The following CADM2 variants were observed in gnomAD, a reference collection of about 807,000 sequenced individuals.
The protein encoded by CADM2 is cell adhesion molecule 2, also known as immunoglobulin superfamily member 4D.
A neutral mutation model predicts 49.8 loss-of-function variants in CADM2; 12 were observed. That is an observed-to-expected ratio of 0.24 (90% CI 0.15 to 0.39). The LOEUF (loss-of-function observed/expected upper bound fraction) is 0.39. Ranked by LOEUF, CADM2 falls within the 10% of genes least tolerant of loss-of-function variation. The probability of loss-of-function intolerance (pLI) is 1.00; values close to 1 mark genes in which losing one functional copy is unlikely to be tolerated. For missense variants in CADM2, 378 were observed against 492.3 expected (o/e 0.77, Z 2.20); for synonymous variants, 214 against 175.4 (o/e 1.22, Z -1.74).
At chr3:85,472,605 A>G (rs115282387) in intron 1 of CADM2, among the ~76,000 whole-genome samples, 1,536 of 152,172 alleles carry the variant, frequency 0.01, 26 homozygotes, top group African/African-American at 0.034. Context: ...AATATGTTTA[A>G]CATGTTAACT....
At chr3:85,625,983 A>T (rs908346497) in intron 1 of CADM2, among the ~76,000 whole-genome samples, 1 of 152,042 alleles carries the variant, frequency 6.6e-6, no homozygotes, top group African/African-American at 2.4e-5. Context: ...GTTTGAAATT[A>T]TGTAAGTATT....
At chr3:84,962,984 T>A (rs2030681120) in intron 1 of CADM2, among the ~76,000 whole-genome samples, 2 of 152,206 alleles carry the variant, frequency 1.3e-5, no homozygotes, top group South Asian at 4.1e-4. Flanking sequence ...ATGAGTTTTT[T>A]TTAAAAGGCT....
chr3:85,821,064 T>A (rs1245843643), intron 3 of CADM2, among the ~76,000 whole-genome samples: 1 of 152,198 alleles, frequency 6.6e-6, no homozygotes, highest in Admixed American at 6.6e-5. Flanking sequence ...CATCCTTTGA[T>A]GAGTACCTAT....
intron 1 of CADM2, among the ~76,000 whole-genome samples, chr3:85,469,374 C>T (rs1310237110): frequency 2.0e-5 from 3 of 152,058 alleles, no homozygotes; most frequent in Non-Finnish European, 4.4e-5. Context: ...GGAAGCCAGT[C>T]ATCAATGTAG....
chr3:85,692,434 C>G (rs1221891534), intron 1 of CADM2, among the ~76,000 whole-genome samples: 1 of 152,106 alleles, frequency 6.6e-6, no homozygotes, highest in Admixed American at 6.5e-5. Flanking sequence ...GTTGTTTAAG[C>G]CACTACAGAA....
At chr3:86,042,082 T>C (rs1736014898) in intron 8 of CADM2, among the ~76,000 whole-genome samples, 1 of 152,192 alleles carries the variant, frequency 6.6e-6, no homozygotes, top group South Asian at 2.1e-4. Context: ...CAAAGCAGTG[T>C]GTAGAGGGAA....
intron 1 of CADM2, among the ~76,000 whole-genome samples, chr3:85,428,335 A>G (rs1372925433): frequency 2.0e-5 from 3 of 146,592 alleles, no homozygotes; most frequent in Admixed American, 6.9e-5. Context: ...TATAATATAT[A>G]TATTATTTTC....
intron 3 of CADM2, among the ~76,000 whole-genome samples, chr3:85,807,581 G>A (rs1479672925): frequency 6.6e-6 from 1 of 151,922 alleles, no homozygotes; most frequent in African/African-American, 2.4e-5. Flanking sequence ...CATGATGATG[G>A]GAATATTCCA....
At chr3:85,111,979 A>G (rs2038475567) in intron 1 of CADM2, among the ~76,000 whole-genome samples, 1 of 151,910 alleles carries the variant, frequency 6.6e-6, no homozygotes, top group Non-Finnish European at 1.5e-5. Context: ...CCATTAGAGC[A>G]CCTATCTAAA....
intron 1 of CADM2, among the ~76,000 whole-genome samples, chr3:85,553,719 C>T (rs1422897036): frequency 6.6e-6 from 1 of 152,152 alleles, no homozygotes; most frequent in Non-Finnish European, 1.5e-5. Flanking sequence ...TAGTAATCTG[C>T]ATTCTCTTAT....
At chr3:85,058,353 C>T (rs1201900075) in intron 1 of CADM2, among the ~76,000 whole-genome samples, 3 of 152,000 alleles carry the variant, frequency 2.0e-5, no homozygotes, top group African/African-American at 7.2e-5. Flanking sequence ...ATATATATAT[C>T]TACTTTTGAG....
Position 85,775,591 on chromosome 3 carries a change from G to T in CADM2, c.89-26456G>T, listed in dbSNP as rs530197670. On this transcript the variant is annotated intron_variant, in intron 2 of 9. Coordinates refer to ENST00000383699, the MANE Select transcript of CADM2 (RefSeq NM_001167675.2). ...TTTATAAACTGCTTTTTAAAAATTT[G>T]CCTATGCTGAATTTTCTTGTTTTTC... Among the ~76,000 whole-genome samples the T allele has an allele frequency of 1.1e-4, 17 of 151,752 alleles. No homozygotes were observed. In the South Asian group the frequency reaches 2.9e-3, roughly 26 times the overall value.
Position 84,977,503 on chromosome 3 carries a change from T to C in CADM2, c.61+17835T>C, listed in dbSNP as rs533333766. Among the ~76,000 whole-genome samples, 3 of 152,152 alleles carry C rather than the reference T, an allele frequency of 2.0e-5. No homozygotes were observed. In the East Asian group the frequency reaches 5.8e-4, roughly 29 times the overall value. On this transcript the variant is annotated intron_variant, in intron 1 of 9. Coordinates refer to ENST00000383699, the MANE Select transcript of CADM2 (RefSeq NM_001167675.2). The stretch of plus-strand genomic sequence containing the variant: ...TAAACTGAGAAGTTTCTAGTTGACT[T>C]TGTGAAAAGATACATTTTTTTCTTA...
At chr3:85,735,372 G>T (rs2107807603) in intron 2 of CADM2, among the ~76,000 whole-genome samples, 1 of 152,212 alleles carries the variant, frequency 6.6e-6, no homozygotes, top group African/African-American at 2.4e-5. Flanking sequence ...TAACTTATTT[G>T]AGCAATATTC....
At chr3:85,024,570 G>C (rs1220554587) in intron 1 of CADM2, among the ~76,000 whole-genome samples, 1 of 151,660 alleles carries the variant, frequency 6.6e-6, no homozygotes, top group Non-Finnish European at 1.5e-5. Context: ...CTTTATCCAC[G>C]TAACAAAACA....
At chr3:85,034,648 T>C (rs933040450) in intron 1 of CADM2, among the ~76,000 whole-genome samples, 47 of 152,220 alleles carry the variant, frequency 3.1e-4, no homozygotes, top group African/African-American at 1.1e-3. Flanking sequence ...CTCTATTTTT[T>C]AGTTTTTTGA....
intron 8 of CADM2, among the ~76,000 whole-genome samples, chr3:86,004,160 AC>A (rs1300148134): frequency 1.3e-5 from 2 of 151,862 alleles, no homozygotes; most frequent in East Asian, 1.9e-4. Context: ...ACAAAACAAA[AC>A]AAAAAACGAA....
intron 1 of CADM2, among the ~76,000 whole-genome samples, chr3:85,241,157 T>C (rs778201544): frequency 2.6e-5 from 4 of 151,462 alleles, no homozygotes; most frequent in African/African-American, 4.8e-5. Flanking sequence ...ACTCCCGAGA[T>C]TGACAGAAAA....
chr3:85,406,764 C>A (rs181692787), intron 1 of CADM2, among the ~76,000 whole-genome samples: 1 of 152,074 alleles, frequency 6.6e-6, no homozygotes, highest in African/African-American at 2.4e-5. Flanking sequence ...GAATATTGTT[C>A]GCTTGTTTTC....
Sources: allele counts gnomAD v4.1 joint callset (sites outside exome capture counted in the v4.1 genomes callset), GRCh38; gene constraint gnomAD v4.1.1; transcripts MANE v1.5; gene names NCBI Gene and HGNC (gene_info 2026-07-23, HGNC 2026-07-21).